The following UNC45A variants were observed in gnomAD, a reference collection of about 807,000 sequenced individuals.
UNC45A encodes unc-45 myosin chaperone A, also known as protein unc-45 homolog A.
A neutral mutation model predicts 103.2 loss-of-function variants in UNC45A; 78 were observed. The ratio of observed to expected loss-of-function variants is 0.76; its 90% CI spans 0.63 to 0.91. The LOEUF is 0.91. Among genes scored for constraint, UNC45A ranks in the 40% least tolerant of loss-of-function variants. UNC45A has a pLI of 0.00. For missense variants in UNC45A, 1,193 were observed against 1,224.8 expected (o/e 0.97, Z 0.39); for synonymous variants, 495 against 504.6 (o/e 0.98, Z 0.25).
At chr15:90,932,046 G>A (rs1347271014), upstream of UNC45A, 2 of 1,613,614 alleles carry the variant, frequency 1.2e-6, no homozygotes, top group Non-Finnish European at 8.5e-7. Flanking sequence ...AGAGAAGGGG[G>A]AAAGTTACCT....
intron 6 of UNC45A, among the ~76,000 whole-genome samples, chr15:90,941,915 C>T (rs1331772725): frequency 3.4e-5 from 5 of 148,004 alleles, no homozygotes; most frequent in East Asian, 2.0e-4. Context: ...GCCCAGATCG[C>T]GCTACTGCAC....
At chr15:90,947,688 C>CCAGGGGGCCATGG (rs1282177782) in intron 10 of UNC45A, 108 bp from the exon 11 acceptor site, 11 of 734,026 alleles carry the variant, frequency 1.5e-5, no homozygotes, top group Non-Finnish European at 2.4e-6. Flanking sequence ...TGTGTAGCTT[C>CCAGGGGGCCATGG]CAGGGGGCCA....
upstream of UNC45A, chr15:90,935,063 GGC>G: frequency 1.7e-6 from 1 of 575,054 alleles, no homozygotes. Flanking sequence ...AGCCACCGCA[GGC>G]CTCCCTCTGG....
rs775770883 is a variant in UNC45A, at chr15:90,935,354, G to A, written c.30G>A (p.Glu10=). Residue 10 remains glutamate (E), a synonymous_variant, in exon 1 of 20, where the codon GAG becomes GAA. Coordinates refer to ENST00000418476, the MANE Select transcript of UNC45A (RefSeq NM_018671.5). The stretch of plus-strand genomic sequence containing the variant: ...CTGTGAGTGGTCCAGGGACCCCCGA[G>A]CCCCGGCCGGCCACCCCCGGGGTGC... The part of the protein sequence containing the change: MTVSGPGTP[E]PRPATPGASS... 16 of 1,602,944 alleles carry A rather than the reference G, an allele frequency of 1.0e-5. No homozygotes were observed. In the Admixed American group the frequency reaches 2.5e-4, roughly 25 times the overall value.
chr15:90,948,592 G>A (rs2036705833), intron 12 of UNC45A, 62 bp from the exon 13 acceptor site: 1 of 1,587,048 alleles, frequency 6.3e-7, no homozygotes, highest in East Asian at 2.3e-5. Context: ...GGCCTGGGCA[G>A]CATTTATCTG....
Position 90,953,494 on chromosome 15 carries a change from T to A in UNC45A, c.2613T>A (p.Leu871=), listed in dbSNP as rs2037049490. The part of the protein sequence containing the change: ...THWLEILQAL[L]LSSNQELQHR... The stretch of plus-strand genomic sequence containing the variant: ...GGCTGGAGATCCTGCAGGCCCTGCT[T>A]CTGAGCTCCAACCAGGAGCTGCAGC... The change falls in exon 20 of 20, where the codon CTT becomes CTA. Residue 871 remains leucine (L), a synonymous_variant. Transcript: ENST00000418476. 1 of 1,613,908 alleles carries A rather than the reference T, an allele frequency of 6.2e-7. No homozygotes were observed. The highest frequency in any genetic ancestry group is 1.1e-5 in the South Asian group (1 of 91,082).
chr15:90,931,430 G>A, upstream of UNC45A: 1 of 1,607,468 alleles, frequency 6.2e-7, no homozygotes, highest in Non-Finnish European at 8.5e-7. Context: ...ACAGAAACTT[G>A]CTAGCGTGAT....
At position 90,936,288 on chromosome 15, in the gene UNC45A, T is replaced by C. The variant is rs2036014748; in HGVS notation, c.254T>C (p.Ile85Thr). Residue 85 changes from isoleucine (I) to threonine (T), a missense_variant, in exon 4 of 20, where the codon ATT becomes ACT. Ile to Thr is a moderately conservative substitution (Grantham distance 89, BLOSUM62 -1). Transcript: ENST00000418476. ...DKAETEASKA[I>T]EKDGGDVKAL... ...CAGCGCTCCTGTTTGTGCTCAGCCA[T>C]TGAAAAGGATGGTGGGGATGTCAAA... The C allele has an allele frequency of 1.9e-6, 3 of 1,611,960 alleles. No individual in the cohort carries two copies. The highest frequency in any genetic ancestry group is 1.3e-5 in the African/African-American group (1 of 74,842).
At chr15:90,952,724 C>T (rs913808227) in intron 17 of UNC45A, 7 of 572,262 alleles carry the variant, frequency 1.2e-5, no homozygotes, top group South Asian at 2.1e-5. Flanking sequence ...CACGCCCGGC[C>T]GAGATGCCAC....
intron 17 of UNC45A, 91 bp from the exon 18 acceptor site, chr15:90,952,838 C>A: frequency 8.1e-7 from 1 of 1,237,120 alleles, no homozygotes; most frequent in Non-Finnish European, 1.1e-6. Flanking sequence ...CCAGGCCCTA[C>A]CTCCAACATT....
intron 6 of UNC45A, 55 bp downstream of exon 6, chr15:90,940,528 T>C: frequency 6.4e-7 from 1 of 1,558,090 alleles, no homozygotes; most frequent in African/African-American, 1.4e-5. Flanking sequence ...TGTCTGTCCA[T>C]CCATTCCTCC....
chr15:90,952,965 A>C lies in UNC45A; in HGVS notation c.2340A>C (p.Ile780=), dbSNP rs2037002489. The change falls in exon 18 of 20, where the codon ATA becomes ATC. Residue 780 remains isoleucine, a synonymous_variant. Transcript: ENST00000418476. ...TGAAGGAGAAGGCTGTGCCCATGAT[A>C]GAAGGCTACATGTTTGAGGAGCATG... ...KILKEKAVPM[I]EGYMFEEHEM... 6.2e-7 allele frequency: 1 copy of C among 1,613,326 alleles called. No homozygotes were observed. The highest frequency in any genetic ancestry group is 1.1e-5 in the South Asian group (1 of 91,088).
intron 10 of UNC45A, 131 bp from the exon 11 acceptor site, chr15:90,947,665 G>A: frequency 4.6e-6 from 3 of 653,128 alleles, no homozygotes; most frequent in Non-Finnish European, 8.3e-6. Flanking sequence ...GAGGGAGAGG[G>A]TGCTGATTTG....
At chr15:90,937,511 G>T (rs2036080882) in intron 4 of UNC45A, among the ~76,000 whole-genome samples, 1 of 150,342 alleles carries the variant, frequency 6.7e-6, no homozygotes, top group African/African-American at 2.5e-5. Flanking sequence ...TTTTGAGACG[G>T]AGTCTTGCTC....
At chr15:90,948,501 C>T in intron 12 of UNC45A, 153 bp from the exon 13 acceptor site, 5 of 1,351,986 alleles carry the variant, frequency 3.7e-6, no homozygotes, top group Non-Finnish European at 5.0e-6. Context: ...AGTTTGTAAG[C>T]TCCCAAAGTC....
intron 12 of UNC45A, 106 bp from the exon 13 acceptor site, chr15:90,948,548 A>G (rs995870875): frequency 6.6e-7 from 1 of 1,521,966 alleles, no homozygotes; most frequent in African/African-American, 1.4e-5. Flanking sequence ...TCCTGTACCC[A>G]AGGGTCCCAG....
At chr15:90,934,841 T>G, upstream of UNC45A, 4 of 412,404 alleles carry the variant, frequency 9.7e-6, no homozygotes, top group South Asian at 9.2e-5. Context: ...GGGGAGGGAG[T>G]CCTGAGCTTT....
At chr15:90,946,940 GGGCA>G in intron 10 of UNC45A, 26 bp downstream of exon 10, 4 of 1,544,616 alleles carry the variant, frequency 2.6e-6, no homozygotes, top group Non-Finnish European at 3.5e-6. Context: ...TGGGGTGGGT[GGGCA>G]GGCAGCCAGG....
intron 4 of UNC45A, among the ~76,000 whole-genome samples, chr15:90,937,824 T>A (rs1346415946): frequency 6.6e-6 from 1 of 152,074 alleles, no homozygotes; most frequent in African/African-American, 2.4e-5. Context: ...TTATTTTTAT[T>A]TATTTATGTA....
Sources: allele counts gnomAD v4.1 joint callset (sites outside exome capture counted in the v4.1 genomes callset), GRCh38; gene constraint gnomAD v4.1.1; transcripts MANE v1.5; gene names NCBI Gene and HGNC (gene_info 2026-07-23, HGNC 2026-07-21).